HMGCLL1: variants seen among roughly 807,000 people sequenced by gnomAD.
HMGCLL1 encodes 3-hydroxymethyl-3-methylglutaryl-CoA lyase, cytoplasmic.
HMGCLL1 carries 36 observed loss-of-function variants against 39.1 expected under a neutral mutation model. The observed-to-expected ratio is 0.92, with a 90% CI of 0.71 to 1.22. The LOEUF is 1.22. Among genes scored for constraint, HMGCLL1 ranks in the 50% most tolerant of loss-of-function variants. The pLI is 0.00. For missense variants in HMGCLL1, 451 were observed against 416.5 expected, an observed-to-expected ratio of 1.08 and a Z score of -0.72; for synonymous variants, 149 against 144.0, an observed-to-expected ratio of 1.03 and a Z score of -0.25.
At chr6:55,472,700 A>T (rs1165335131) in intron 7 of HMGCLL1, among the ~76,000 whole-genome samples, 1 of 151,478 alleles carries the variant, frequency 6.6e-6, no homozygotes, top group Non-Finnish European at 1.5e-5. Flanking sequence ...TCCTGTTATT[A>T]ACATCTTGCA....
the HMGCLL1 span, among the ~76,000 whole-genome samples, chr6:55,666,934 AT>A: frequency 2.9e-4 from 43 of 147,244 alleles, no homozygotes; most frequent in Middle Eastern, 3.4e-3. Context: ...ACAATCTTTT[AT>A]TTTTTTTTTT....
the HMGCLL1 span, among the ~76,000 whole-genome samples, chr6:55,667,981 T>G: frequency 2.6e-5 from 4 of 151,806 alleles, no homozygotes; most frequent in Non-Finnish European, 5.9e-5. Flanking sequence ...ATGCCCTGAC[T>G]ATGCTTGGGG....
chr6:55,650,074 TATAC>T, the HMGCLL1 span, among the ~76,000 whole-genome samples: 59 of 108,480 alleles, frequency 5.4e-4, no homozygotes, highest in South Asian at 1.8e-3. Flanking sequence ...TATATATATA[TATAC>T]ACACACATAT....
chr6:55,520,729 T>C (rs1561933828), intron 3 of HMGCLL1, among the ~76,000 whole-genome samples: 1 of 152,114 alleles, frequency 6.6e-6, no homozygotes, highest in Non-Finnish European at 1.5e-5. Context: ...AAAGCCTTTC[T>C]ACATCTGGTT....
At chr6:55,475,074 T>A (rs544699752) in intron 7 of HMGCLL1, among the ~76,000 whole-genome samples, 3 of 151,554 alleles carry the variant, frequency 2.0e-5, no homozygotes, top group African/African-American at 7.3e-5. Flanking sequence ...CCTTCCCAAG[T>A]GTTTCTCCAG....
the HMGCLL1 span, among the ~76,000 whole-genome samples, chr6:55,630,279 T>A: frequency 6.6e-6 from 1 of 152,152 alleles, no homozygotes; most frequent in Non-Finnish European, 1.5e-5. Flanking sequence ...ACTGCCCTCC[T>A]GGATTTTGGA....
the HMGCLL1 span, among the ~76,000 whole-genome samples, chr6:55,643,271 G>A: frequency 6.6e-6 from 1 of 151,996 alleles, no homozygotes; most frequent in African/African-American, 2.4e-5. Flanking sequence ...GTGTGTAAGT[G>A]TCCCCTTTTC....
the HMGCLL1 span, among the ~76,000 whole-genome samples, chr6:55,631,729 C>G: frequency 6.6e-6 from 1 of 152,082 alleles, no homozygotes; most frequent in African/African-American, 2.4e-5. Context: ...GGCACCTTCT[C>G]CACAATTTAC....
At chr6:55,594,974 A>G in the HMGCLL1 span, among the ~76,000 whole-genome samples, 874 of 152,334 alleles carry the variant, frequency 5.7e-3, 9 homozygotes, top group African/African-American at 0.02. Flanking sequence ...GTATAAATCT[A>G]CAACTGTTTT....
chr6:55,493,076 T>C (rs939822956), intron 7 of HMGCLL1, among the ~76,000 whole-genome samples: 2 of 150,020 alleles, frequency 1.3e-5, no homozygotes, highest in Non-Finnish European at 3.0e-5. Context: ...AAAAATACAT[T>C]ACAATATATG....
At chr6:55,479,870 A>G (rs541266470) in intron 7 of HMGCLL1, among the ~76,000 whole-genome samples, 1 of 151,844 alleles carries the variant, frequency 6.6e-6, no homozygotes, top group South Asian at 2.1e-4. Context: ...TTACTAAAGA[A>G]GGCAGTCTTT....
chr6:55,645,384 T>C, the HMGCLL1 span, among the ~76,000 whole-genome samples: 5 of 152,094 alleles, frequency 3.3e-5, no homozygotes, highest in Admixed American at 6.6e-5. Context: ...TTTGGATGCC[T>C]TTACTTCTTT....
intron 5 of HMGCLL1, among the ~76,000 whole-genome samples, chr6:55,500,076 A>C (rs1054352194): frequency 2.0e-5 from 3 of 152,110 alleles, no homozygotes; most frequent in Non-Finnish European, 2.9e-5. Context: ...GTATTGAAAT[A>C]ATGCATAACG....
At chr6:55,456,803 T>C (rs1251508525) in intron 7 of HMGCLL1, among the ~76,000 whole-genome samples, 1 of 152,204 alleles carries the variant, frequency 6.6e-6, no homozygotes, top group East Asian at 1.9e-4. Context: ...CCATCCAGCC[T>C]ATAGGGCTCA....
intron 3 of HMGCLL1, among the ~76,000 whole-genome samples, chr6:55,517,496 G>A (rs1330595801): frequency 1.3e-5 from 2 of 151,902 alleles, no homozygotes; most frequent in African/African-American, 4.8e-5. Context: ...GTGAAAATAT[G>A]CCAAACCAAA....
At chr6:55,646,534 A>G in the HMGCLL1 span, among the ~76,000 whole-genome samples, 1 of 151,918 alleles carries the variant, frequency 6.6e-6, no homozygotes, top group Non-Finnish European at 1.5e-5. Context: ...GCTTACAACT[A>G]TAAATTTCCC....
chr6:55,638,842 TA>T, the HMGCLL1 span, among the ~76,000 whole-genome samples: 1 of 151,914 alleles, frequency 6.6e-6, no homozygotes, highest in Non-Finnish European at 1.5e-5. Context: ...TTAAGATAAA[TA>T]AAAAATGGAA....
chr6:55,533,294 A>G (rs953568031), intron 3 of HMGCLL1, among the ~76,000 whole-genome samples: 1 of 151,574 alleles, frequency 6.6e-6, no homozygotes, highest in African/African-American at 2.4e-5. Context: ...AATATGTACT[A>G]TTATTATATT....
chr6:55,448,349 CAG>C (rs1280718836), intron 7 of HMGCLL1, among the ~76,000 whole-genome samples: 15 of 148,564 alleles, frequency 1.0e-4, no homozygotes, highest in African/African-American at 1.7e-4. Context: ...AATATATAAA[CAG>C]TACTATATAT....
Sources: gnomAD v4.1 joint callset for allele counts (sites outside exome capture counted in the v4.1 genomes callset) on GRCh38, gnomAD v4.1.1 for gene constraint, MANE v1.5 for transcripts, NCBI Gene and HGNC (gene_info 2026-07-23, HGNC 2026-07-21) for gene names.